The following DENND1A variants were observed in gnomAD, a reference collection of about 807,000 sequenced individuals.
DENND1A encodes the protein DENN domain-containing protein 1A.
DENND1A carries 51 observed loss-of-function variants against 113.7 expected under a neutral mutation model. That is an observed-to-expected ratio of 0.45 (90% CI 0.36 to 0.57). The LOEUF (loss-of-function observed/expected upper bound fraction) is 0.57, where lower values mean the gene tolerates loss of function less well. DENND1A is among the 20% of genes least tolerant of loss of function. DENND1A has a pLI of 0.00. For missense variants in DENND1A, 1,258 were observed against 1,395.9 expected, an observed-to-expected ratio of 0.90 and a Z score of 1.57; for synonymous variants, 565 against 570.8, an observed-to-expected ratio of 0.99 and a Z score of 0.14.
intron 12 of DENND1A, among the ~76,000 whole-genome samples, chr9:123,579,840 C>T (rs1213697980): frequency 6.6e-6 from 1 of 152,136 alleles, no homozygotes. Context: ...CATTGAAATA[C>T]AATAAATACC....
At chr9:123,600,895 T>G (rs2059910430) in intron 11 of DENND1A, among the ~76,000 whole-genome samples, 1 of 151,696 alleles carries the variant, frequency 6.6e-6, no homozygotes, top group Non-Finnish European at 1.5e-5. Context: ...TGAACTCAGG[T>G]CCATATGACT....
intron 21 of DENND1A, among the ~76,000 whole-genome samples, chr9:123,392,080 AGC>A (rs993886022): frequency 6.6e-6 from 1 of 152,186 alleles, no homozygotes; most frequent in Non-Finnish European, 1.5e-5. Flanking sequence ...GTCGCCGGTT[AGC>A]GCGCGCGTGT....
intron 1 of DENND1A, among the ~76,000 whole-genome samples, chr9:123,912,032 G>A (rs1854085563): frequency 6.6e-6 from 1 of 152,114 alleles, no homozygotes; most frequent in Admixed American, 6.6e-5. Flanking sequence ...GAAGGGGCAT[G>A]AAAAGCCTTA....
intron 18 of DENND1A, among the ~76,000 whole-genome samples, chr9:123,441,629 C>T (rs1271361205): frequency 6.6e-6 from 1 of 152,158 alleles, no homozygotes; most frequent in Non-Finnish European, 1.5e-5. Flanking sequence ...GATGGGGCCA[C>T]TCATGCAATA....
chr9:123,627,288 GA>G (rs2061268453), intron 10 of DENND1A, among the ~76,000 whole-genome samples: 1 of 152,206 alleles, frequency 6.6e-6, no homozygotes. Flanking sequence ...GGGAACTGGT[GA>G]AAAACCCAGG....
chr9:123,523,130 G>T (rs542617655), intron 13 of DENND1A, among the ~76,000 whole-genome samples: 1 of 152,320 alleles, frequency 6.6e-6, no homozygotes, highest in Non-Finnish European at 1.5e-5. Context: ...TTCAGGAGGG[G>T]TAAAGGAGGG....
At chr9:123,478,147 G>A (rs2050061451) in intron 13 of DENND1A, among the ~76,000 whole-genome samples, 2 of 152,166 alleles carry the variant, frequency 1.3e-5, no homozygotes, top group African/African-American at 4.8e-5. Context: ...AAGAGGGTTG[G>A]GACTGCATCT....
At chr9:123,881,698 C>G (rs1194898513) in intron 1 of DENND1A, among the ~76,000 whole-genome samples, 1 of 152,144 alleles carries the variant, frequency 6.6e-6, no homozygotes, top group African/African-American at 2.4e-5. Flanking sequence ...ACACATTATC[C>G]TGTACCACAG....
intron 19 of DENND1A, chr9:123,414,532 C>T (rs2044566444): frequency 1.3e-6 from 2 of 1,549,182 alleles, no homozygotes; most frequent in African/African-American, 1.4e-5. Flanking sequence ...GTTCCCCAGC[C>T]AGGCAAATCT....
At chr9:123,670,095 A>G (rs1162971160) in intron 7 of DENND1A, among the ~76,000 whole-genome samples, 1 of 152,228 alleles carries the variant, frequency 6.6e-6, no homozygotes, top group Non-Finnish European at 1.5e-5. Flanking sequence ...TTTAGTATAA[A>G]TTAGGAATTT....
At chr9:123,842,529 T>A (rs993143528) in intron 2 of DENND1A, among the ~76,000 whole-genome samples, 1 of 151,284 alleles carries the variant, frequency 6.6e-6, no homozygotes, top group Admixed American at 6.6e-5. Flanking sequence ...ATTAGATATA[T>A]GAAATGGACA....
intron 19 of DENND1A, among the ~76,000 whole-genome samples, chr9:123,421,451 C>T (rs555799381): frequency 6.6e-6 from 1 of 152,258 alleles, no homozygotes; most frequent in East Asian, 1.9e-4. Context: ...AACGTATCTC[C>T]TCGGGTCCGC....
intron 21 of DENND1A, among the ~76,000 whole-genome samples, chr9:123,392,539 AG>A (rs2042911212): frequency 6.6e-6 from 1 of 152,070 alleles, no homozygotes; most frequent in South Asian, 2.1e-4. Flanking sequence ...GACAGCCCCC[AG>A]GGTGAGGCTA....
intron 10 of DENND1A, among the ~76,000 whole-genome samples, chr9:123,614,099 G>A (rs569955031): frequency 8.2e-4 from 125 of 152,278 alleles, no homozygotes; most frequent in Non-Finnish European, 1.4e-3. Context: ...ATGCTCAAGG[G>A]AACTCTGCAA....
intron 2 of DENND1A, among the ~76,000 whole-genome samples, chr9:123,856,242 T>G (rs947802625): frequency 6.6e-6 from 1 of 152,100 alleles, no homozygotes; most frequent in African/African-American, 2.4e-5. Context: ...GTAGCCACAG[T>G]AGTCCAGAGT....
chr9:123,451,891 G>A (rs961535162), intron 17 of DENND1A, among the ~76,000 whole-genome samples: 5 of 152,148 alleles, frequency 3.3e-5, no homozygotes, highest in African/African-American at 9.7e-5. Context: ...TAGAGGACAA[G>A]GTATACTTAA....
At chr9:123,627,362 T>G (rs1348490718) in intron 10 of DENND1A, among the ~76,000 whole-genome samples, 2 of 152,198 alleles carry the variant, frequency 1.3e-5, no homozygotes, top group African/African-American at 4.8e-5. Context: ...TTCCTTCTGC[T>G]GGAAATTGAC....
At chr9:123,561,693 C>T (rs1171863108) in intron 12 of DENND1A, among the ~76,000 whole-genome samples, 1 of 152,066 alleles carries the variant, frequency 6.6e-6, no homozygotes, top group Non-Finnish European at 1.5e-5. Context: ...TGGCTTCCTC[C>T]TTTAATCGGG....
intron 1 of DENND1A, among the ~76,000 whole-genome samples, chr9:123,887,224 T>C (rs1175234406): frequency 2.0e-5 from 3 of 152,106 alleles, no homozygotes; most frequent in Non-Finnish European, 4.4e-5. Flanking sequence ...TTCTGAACAG[T>C]TTAGTCCTAA....
Sources: allele counts gnomAD v4.1 joint callset (sites outside exome capture counted in the v4.1 genomes callset), GRCh38; gene constraint gnomAD v4.1.1; transcripts MANE v1.5; gene names NCBI Gene and HGNC (gene_info 2026-07-23, HGNC 2026-07-21).